The following USP32 variants were observed in gnomAD, a reference collection of about 807,000 sequenced individuals.
USP32 encodes the protein ubiquitin specific peptidase 32, also known as ubiquitin carboxyl-terminal hydrolase 32.
USP32 carries 59 observed loss-of-function variants against 204.8 expected under a neutral mutation model. The observed-to-expected ratio is 0.29, with a 90% CI of 0.23 to 0.36. The LOEUF is 0.36. USP32 is among the 10% of genes least tolerant of loss of function. The probability of loss-of-function intolerance (pLI) is 1.00; values close to 1 mark genes in which losing one functional copy is unlikely to be tolerated. For missense variants in USP32, 1,160 were observed against 1,946.4 expected (o/e 0.60, Z 7.60); for synonymous variants, 517 against 678.4 (o/e 0.76, Z 3.70).
intron 5 of USP32, among the ~76,000 whole-genome samples, chr17:60,275,533 C>T (rs1208323042): frequency 6.6e-6 from 1 of 152,082 alleles, no homozygotes; most frequent in African/African-American, 2.4e-5. Context: ...CCACACCCCT[C>T]TTCAGGATAA....
intron 1 of USP32, among the ~76,000 whole-genome samples, chr17:60,363,965 C>T (rs1567876244): frequency 1.3e-5 from 2 of 152,056 alleles, no homozygotes; most frequent in Admixed American, 6.6e-5. Flanking sequence ...TGATGATTCT[C>T]GTGCACTATT....
rs569159958 is a variant in USP32, at chr17:60,190,524, T to C, written c.3642+39A>G. 2.8e-5 allele frequency: 43 copies of C among 1,511,062 alleles called. No homozygotes were observed. In the South Asian group the frequency reaches 5.4e-4, roughly 19 times the overall value. 93.6% of individuals were successfully genotyped at this position (1,511,062 alleles called of 1,614,324 possible). A position where few individuals can be genotyped will look rare whatever the true frequency, so the allele number is the denominator to read the frequency against. On this transcript the variant is annotated intron_variant, in intron 29 of 33. Transcript: ENST00000300896. ...TAGTTACACTGGTGGAAATTTCTCA[T>C]ATAAAAACCACCATTTTATGGTGGC...
intron 1 of USP32, among the ~76,000 whole-genome samples, chr17:60,409,848 C>T (rs898800709): frequency 2.0e-5 from 3 of 151,590 alleles, no homozygotes; most frequent in Non-Finnish European, 4.4e-5. Flanking sequence ...AAAAAAATCA[C>T]AAAAAAACCC....
intron 26 of USP32, among the ~76,000 whole-genome samples, chr17:60,203,892 A>G (rs1278296856): frequency 6.6e-6 from 1 of 152,112 alleles, no homozygotes; most frequent in East Asian, 1.9e-4. Context: ...TACTTTATAA[A>G]ATTAAGACAC....
intron 1 of USP32, among the ~76,000 whole-genome samples, chr17:60,368,986 A>T (rs1348549579): frequency 1.4e-5 from 2 of 138,382 alleles, no homozygotes; most frequent in South Asian, 2.1e-4. Flanking sequence ...ATTATTTTTT[A>T]AAAGATTTTT....
At chr17:60,410,048 A>G (rs1411640037) in intron 1 of USP32, among the ~76,000 whole-genome samples, 2 of 152,190 alleles carry the variant, frequency 1.3e-5, no homozygotes. Flanking sequence ...CAAACTAGCT[A>G]CAAAGTTAAA....
chr17:60,364,798 T>TCC (rs2089281180), intron 1 of USP32, among the ~76,000 whole-genome samples: 1 of 152,202 alleles, frequency 6.6e-6, no homozygotes, highest in African/African-American at 2.4e-5. Context: ...CCATAATTTA[T>TCC]CCATAAATTC....
In USP32 at chr17:60,293,114, A is replaced by T. The variant is rs373507068; in HGVS notation, c.411+1569T>A. On this transcript the variant is annotated intron_variant, in intron 4 of 33. Transcript: ENST00000300896. ...AGACCTAAGCATTCTATATAAAATA[A>T]CAAGATTCAGATTTTCTCTATTACC... 1.3e-3 allele frequency among the ~76,000 whole-genome samples: 201 copies of T among 152,328 alleles called. 3 individuals carry two copies. The South Asian group carries it at 0.022, about 16-fold the overall frequency.
chr17:60,404,249 A>G (rs2089958972), intron 1 of USP32, among the ~76,000 whole-genome samples: 1 of 152,148 alleles, frequency 6.6e-6, no homozygotes. Flanking sequence ...CAAATAATAA[A>G]GCAAATTGAG....
chr17:60,349,632 A>G (rs1364680284), intron 1 of USP32, among the ~76,000 whole-genome samples: 13 of 109,274 alleles, frequency 1.2e-4, no homozygotes, highest in East Asian at 4.5e-4. Flanking sequence ...TATTATATAT[A>G]TATATATATA....
chr17:60,328,343 C>T (rs1258175058), intron 2 of USP32, among the ~76,000 whole-genome samples: 1 of 152,108 alleles, frequency 6.6e-6, no homozygotes, highest in South Asian at 2.1e-4. Flanking sequence ...GAGCTACCCT[C>T]TCTGCTGAGA....
chr17:60,329,480 ATT>A (rs113454063), intron 2 of USP32, among the ~76,000 whole-genome samples: 2 of 144,932 alleles, frequency 1.4e-5, no homozygotes, highest in African/African-American at 2.5e-5. Context: ...GTTTTTATTT[ATT>A]TTTTTTTTTT....
chr17:60,373,775 T>TA (rs1027887693), intron 1 of USP32, among the ~76,000 whole-genome samples: 2 of 152,216 alleles, frequency 1.3e-5, no homozygotes, highest in African/African-American at 4.8e-5. Context: ...TTTTACTTCA[T>TA]AAACTTTTAA....
At chr17:60,286,136 C>CAAAAA (rs1170911336) in intron 5 of USP32, among the ~76,000 whole-genome samples, 1 of 84,214 alleles carries the variant, frequency 1.2e-5, no homozygotes, top group African/African-American at 3.5e-5. Context: ...ACAGTGTGTC[C>CAAAAA]AAAAAAAAAA....
At position 60,249,693 on chromosome 17, in the gene USP32, T is replaced by C. The variant is rs1329856769; in HGVS notation, c.1136+2688A>G. 1.9e-5 allele frequency: 13 copies of C among 700,178 alleles called. 1 individual carries two copies. The highest frequency in any genetic ancestry group is 5.3e-5 in the African/African-American group (3 of 57,064). 43.4% of individuals were successfully genotyped at this position (700,178 alleles called of 1,614,324 possible). A position where few individuals can be genotyped will look rare whatever the true frequency, so the allele number is the denominator to read the frequency against. On this transcript the variant is annotated intron_variant, in intron 11 of 33. Transcript: ENST00000300896. ...CACTTCCATTGTTCTCACCAAGGAT[T>C]AGTAGTTCTTGAATAAATGCTTCTC...
intron 1 of USP32, among the ~76,000 whole-genome samples, chr17:60,404,255 T>A (rs2089959025): frequency 6.6e-6 from 1 of 151,976 alleles, no homozygotes; most frequent in African/African-American, 2.4e-5. Flanking sequence ...ATAAAGCAAA[T>A]TGAGCAGATG....
chr17:60,307,893 A>C (rs1157538446), intron 2 of USP32, among the ~76,000 whole-genome samples: 1 of 152,232 alleles, frequency 6.6e-6, no homozygotes, highest in Non-Finnish European at 1.5e-5. Context: ...AGAAGAACGC[A>C]CAAGTGGCTG....
intron 11 of USP32, chr17:60,245,326 AC>A (rs1598132586): frequency 5.6e-6 from 2 of 355,630 alleles, no homozygotes; most frequent in East Asian, 1.8e-4. Flanking sequence ...GGGATTGGTG[AC>A]TCTGATGGCC....
At chr17:60,324,338 T>C (rs1157542265) in intron 2 of USP32, among the ~76,000 whole-genome samples, 2 of 151,266 alleles carry the variant, frequency 1.3e-5, no homozygotes, top group African/African-American at 2.4e-5. Context: ...CTAACCAGAT[T>C]CTAGAAAAAA....
Sources: allele counts gnomAD v4.1 joint callset (sites outside exome capture counted in the v4.1 genomes callset), GRCh38; gene constraint gnomAD v4.1.1; transcripts MANE v1.5; gene names NCBI Gene and HGNC (gene_info 2026-07-23, HGNC 2026-07-21).